Variants in AFAP1L1 observed in about 807,000 individuals in gnomAD.
The protein encoded by AFAP1L1 is actin filament associated protein 1 like 1.
Under a neutral mutation model 99.8 loss-of-function variants are expected in AFAP1L1, and 77 were observed. That is an observed-to-expected ratio of 0.77 (90% CI 0.64 to 0.93). The LOEUF is 0.93. Ranked by LOEUF, AFAP1L1 falls within the 40% of genes least tolerant of loss-of-function variation. AFAP1L1 has a pLI of 0.00. For synonymous variants in AFAP1L1, 373 were observed against 395.3 expected (o/e 0.94, Z 0.67); for missense variants, 893 against 996.8 (o/e 0.90, Z 1.40).
At chr5:149,305,172 A>G (rs1756369328) in intron 5 of AFAP1L1, among the ~76,000 whole-genome samples, 1 of 152,208 alleles carries the variant, frequency 6.6e-6, no homozygotes. Flanking sequence ...CTAAGAATTG[A>G]CGTGCATTGT....
rs1253213175 is a variant in AFAP1L1, at chr5:149,307,679, A to AT, written c.747+67dup. On this transcript the variant is annotated intron_variant, in intron 7 of 18. Coordinates refer to ENST00000296721, the MANE Select transcript of AFAP1L1 (RefSeq NM_152406.4). ...GACTTGCATGTGGGTGTGTCTCTAC[A>AT]TACATGTGGATATGTCTGCCTTGGG... 3.3e-5 allele frequency: 50 copies of AT among 1,501,638 alleles called. 2 individuals carry two copies. Among genetic ancestry groups the AT allele is most frequent in the Middle Eastern group, 2.3e-4 (1 of 4,256 alleles). The allele number at this position is 1,501,638 out of a possible 1,614,324, so 93.0% of individuals were successfully genotyped here.
chr5:149,335,513 C>A (rs777967984), intron 17 of AFAP1L1, 81 bp from the exon 18 acceptor site: 224 of 1,495,674 alleles, frequency 1.5e-4, no homozygotes, highest in Middle Eastern at 5.0e-4. Context: ...ATAAAGTGTC[C>A]TCATGCTTTT....
At chr5:149,274,737 G>A (rs2127586698) in intron 1 of AFAP1L1, among the ~76,000 whole-genome samples, 1 of 152,146 alleles carries the variant, frequency 6.6e-6, no homozygotes, top group Admixed American at 6.5e-5. Flanking sequence ...AAATGAGCTG[G>A]GTGTGGTGGC....
intron 9 of AFAP1L1, among the ~76,000 whole-genome samples, chr5:149,313,055 G>A (rs756572432): frequency 6.6e-6 from 1 of 151,870 alleles, no homozygotes; most frequent in Non-Finnish European, 1.5e-5. Flanking sequence ...TGAACCGGGA[G>A]GCAGAGGTTG....
chr5:149,331,606 C>T (rs1315059522), intron 16 of AFAP1L1, among the ~76,000 whole-genome samples: 4 of 149,782 alleles, frequency 2.7e-5, no homozygotes, highest in African/African-American at 4.9e-5. Context: ...GGTGACAGAG[C>T]GAGACTCCGT....
chr5:149,271,997 G>A lies in AFAP1L1; in HGVS notation c.16+13G>A, dbSNP rs1286936493. On this transcript the variant is annotated intron_variant, in intron 1 of 18. Transcript: ENST00000296721. ...GACCGAGGCCAGGGTAAGAGGGGCC[G>A]CGACGCCCGCACTTGTTGCGGCGCC... 2 of 1,239,062 alleles carry A rather than the reference G, an allele frequency of 1.6e-6. No individual in the cohort carries two copies. Among genetic ancestry groups the A allele is most frequent in the African/African-American group, 1.6e-5 (1 of 64,336 alleles). The allele number at this position is 1,239,062 out of a possible 1,614,324, so 76.8% of individuals were successfully genotyped here. A position where few individuals can be genotyped will look rare whatever the true frequency, so the allele number is the denominator to read the frequency against.
chr5:149,327,620 A>T (rs938841866), intron 15 of AFAP1L1, among the ~76,000 whole-genome samples: 2 of 152,158 alleles, frequency 1.3e-5, no homozygotes, highest in African/African-American at 4.8e-5. Flanking sequence ...AATAAAAATC[A>T]TGAGGCTGAA....
At chr5:149,284,075 C>T (rs926308714) in intron 1 of AFAP1L1, among the ~76,000 whole-genome samples, 4 of 152,186 alleles carry the variant, frequency 2.6e-5, no homozygotes, top group Non-Finnish European at 5.9e-5. Flanking sequence ...GATGGCATTC[C>T]AGATGGAGAA....
intron 1 of AFAP1L1, among the ~76,000 whole-genome samples, chr5:149,275,741 C>T (rs1254751920): frequency 6.6e-6 from 1 of 151,774 alleles, no homozygotes; most frequent in Non-Finnish European, 1.5e-5. Flanking sequence ...CTCCTGACCT[C>T]GTGATCCACC....
At chr5:149,312,019 C>G in intron 8 of AFAP1L1, 93 bp from the exon 9 acceptor site, 1 of 1,195,898 alleles carries the variant, frequency 8.4e-7, no homozygotes, top group Non-Finnish European at 1.2e-6. Flanking sequence ...CCCTGACCCT[C>G]TGTTCTACAG....
chr5:149,301,248 T>A lies in AFAP1L1; in HGVS notation c.327+18T>A, dbSNP rs1412268801. The A allele has an allele frequency of 3.1e-6, 5 of 1,610,508 alleles. No homozygotes were observed. Among genetic ancestry groups the A allele is most frequent in the Non-Finnish European group, 4.2e-6 (5 of 1,177,208 alleles). On this transcript the variant is annotated intron_variant, in intron 4 of 18. Coordinates refer to ENST00000296721, the MANE Select transcript of AFAP1L1 (RefSeq NM_152406.4). ...TGAGAAACGTGAGTCATGGCCTGGG[T>A]TCCCACACCTCAGGGCCTCTGTCCC...
rs73795983 is a variant in AFAP1L1, at chr5:149,343,066, A to G, written c.*3036A>G. ...GGTTTACCAACCTTTCTGAGCCTCA[A>G]TTTTCTCATATGTAAAAGAGAATCA... On this transcript the variant is annotated 3_prime_UTR_variant, in exon 19 of 19. Transcript: ENST00000296721. Among the ~76,000 whole-genome samples, 858 of 152,258 alleles carry G rather than the reference A, an allele frequency of 5.6e-3. 12 individuals carry two copies. Among genetic ancestry groups the G allele is most frequent in the African/African-American group, 0.02 (811 of 41,550 alleles).
intron 9 of AFAP1L1, chr5:149,312,453 CAGG>C (rs1296821891): frequency 1.7e-5 from 9 of 544,786 alleles, no homozygotes; most frequent in African/African-American, 1.5e-4. Flanking sequence ...CCTGCCAGGA[CAGG>C]AGGAGGTCAC....
chr5:149,304,397 G>A (rs1756329469), intron 5 of AFAP1L1: 1 of 152,304 alleles, frequency 6.6e-6, no homozygotes, highest in South Asian at 2.1e-4. Context: ...TGTGAAACAG[G>A]CAACTTTATT....
chr5:149,280,640 T>C (rs1289499261), intron 1 of AFAP1L1, among the ~76,000 whole-genome samples: 1 of 152,220 alleles, frequency 6.6e-6, no homozygotes, highest in East Asian at 1.9e-4. Flanking sequence ...AGGGTCTGGG[T>C]CTGTTACCCA....
At chr5:149,321,722 CAAAAA>C (rs57366142) in intron 14 of AFAP1L1, among the ~76,000 whole-genome samples, 938 of 63,762 alleles carry the variant, frequency 0.015, 6 homozygotes, top group African/African-American at 0.024. Flanking sequence ...GACTCTGTCT[CAAAAA>C]AAAAAAAAAA....
At chr5:149,338,333 A>G (rs1168526432) in intron 18 of AFAP1L1, among the ~76,000 whole-genome samples, 1 of 152,176 alleles carries the variant, frequency 6.6e-6, no homozygotes, top group Non-Finnish European at 1.5e-5. Flanking sequence ...GTGGTGGCAC[A>G]TGCCTATAGT....
intron 1 of AFAP1L1, among the ~76,000 whole-genome samples, chr5:149,277,375 C>T (rs1476134648): frequency 5.9e-5 from 9 of 152,166 alleles, no homozygotes; most frequent in Non-Finnish European, 1.0e-4. Flanking sequence ...GTCTTGCCTC[C>T]GTTGAACCAG....
intron 1 of AFAP1L1, among the ~76,000 whole-genome samples, chr5:149,293,059 A>G (rs964067954): frequency 1.3e-5 from 2 of 152,236 alleles, no homozygotes; most frequent in Admixed American, 6.5e-5. Context: ...TCACAGGATG[A>G]GGCTTGCAGA....
Sources: allele counts gnomAD v4.1 joint callset (sites outside exome capture counted in the v4.1 genomes callset), GRCh38; gene constraint gnomAD v4.1.1; transcripts MANE v1.5; gene names NCBI Gene and HGNC (gene_info 2026-07-23, HGNC 2026-07-21).